The following FRMD5 variants were observed in gnomAD, a reference collection of about 807,000 sequenced individuals.
The protein encoded by FRMD5 is FERM domain-containing protein 5.
FRMD5 carries 20 observed loss-of-function variants against 69.0 expected under a neutral mutation model. That is an observed-to-expected ratio of 0.29 (90% confidence interval 0.20 to 0.42). FRMD5 has a LOEUF of 0.42. Ranked by LOEUF, FRMD5 falls within the 10% of genes least tolerant of loss-of-function variation. The pLI is 1.00. For synonymous variants in FRMD5, 271 were observed against 260.1 expected (o/e 1.04, Z -0.40); for missense variants, 595 against 708.6 (o/e 0.84, Z 1.82).
intron 1 of FRMD5, among the ~76,000 whole-genome samples, chr15:44,019,242 G>A (rs1485527363): frequency 6.6e-6 from 1 of 151,970 alleles, no homozygotes; most frequent in Non-Finnish European, 1.5e-5. Context: ...GTTTTCTGCA[G>A]ACCATATTTC....
chr15:44,046,416 G>C (rs143117463), intron 1 of FRMD5, among the ~76,000 whole-genome samples: 11 of 152,176 alleles, frequency 7.2e-5, no homozygotes, highest in Admixed American at 2.6e-4. Flanking sequence ...ATTGCACCAA[G>C]GACACTTCCA....
chr15:43,894,293 CTT>C lies in FRMD5; in HGVS notation c.640-2226_640-2225del, dbSNP rs1468818387. 5.9e-5 allele frequency among the ~76,000 whole-genome samples: 9 copies of C among 151,532 alleles called. No individual in the cohort carries two copies. The East Asian group carries it at 1.8e-3, about 30-fold the overall frequency. On this transcript the variant is annotated intron_variant, in intron 7 of 13. Transcript: ENST00000417257. ...GGGAGGCAGCCTGCCTGTTCTGTCT[CTT>C]CTGCTCACTGTGCAAGCAGGACCCG...
At chr15:44,186,458 C>T (rs1230673566) in intron 1 of FRMD5, among the ~76,000 whole-genome samples, 1 of 152,164 alleles carries the variant, frequency 6.6e-6, no homozygotes, top group African/African-American at 2.4e-5. Context: ...GATAATTTGC[C>T]TGACTAAGGA....
intron 1 of FRMD5, among the ~76,000 whole-genome samples, chr15:44,098,513 G>A (rs544263077): frequency 5.8e-4 from 69 of 119,196 alleles, no homozygotes; most frequent in African/African-American, 2.0e-3. Context: ...GACACAGCAA[G>A]ACTCTGTCTC....
intron 1 of FRMD5, among the ~76,000 whole-genome samples, chr15:44,079,566 A>G (rs983780365): frequency 6.6e-6 from 1 of 152,154 alleles, no homozygotes; most frequent in Non-Finnish European, 1.5e-5. Context: ...AAGTATACCC[A>G]TATGATAACT....
chr15:43,951,058 T>A (rs1171022117), intron 1 of FRMD5, among the ~76,000 whole-genome samples: 2 of 152,196 alleles, frequency 1.3e-5, no homozygotes, highest in Admixed American at 1.3e-4. Flanking sequence ...AGCATATGCA[T>A]CACCTGAAAC....
intron 4 of FRMD5, among the ~76,000 whole-genome samples, chr15:43,911,127 T>TC (rs2089280638): frequency 6.6e-6 from 1 of 152,238 alleles, no homozygotes; most frequent in East Asian, 1.9e-4. Flanking sequence ...GGAGCATCAG[T>TC]CCCTTGAGTG....
At chr15:44,012,025 CTCT>C (rs1463268027) in intron 1 of FRMD5, among the ~76,000 whole-genome samples, 1 of 152,180 alleles carries the variant, frequency 6.6e-6, no homozygotes, top group Non-Finnish European at 1.5e-5. Context: ...TACTGCTTGA[CTCT>C]TCTTTTTCCT....
At chr15:44,031,393 C>A (rs1372781475) in intron 1 of FRMD5, among the ~76,000 whole-genome samples, 2 of 152,136 alleles carry the variant, frequency 1.3e-5, no homozygotes, top group East Asian at 3.8e-4. Flanking sequence ...TTATAAACAA[C>A]AGAAATTTAT....
At chr15:44,021,869 A>T (rs1333359163) in intron 1 of FRMD5, among the ~76,000 whole-genome samples, 1 of 152,230 alleles carries the variant, frequency 6.6e-6, no homozygotes, top group Admixed American at 6.5e-5. Context: ...CATTCTTCAC[A>T]ATAGCCAAAA....
intron 1 of FRMD5, among the ~76,000 whole-genome samples, chr15:44,040,698 C>T (rs945215054): frequency 3.9e-5 from 6 of 152,064 alleles, no homozygotes; most frequent in African/African-American, 9.7e-5. Context: ...CCAGTACCAG[C>T]CACTGCAAAA....
At chr15:44,049,181 C>G (rs1193141880) in intron 1 of FRMD5, among the ~76,000 whole-genome samples, 1 of 152,120 alleles carries the variant, frequency 6.6e-6, no homozygotes, top group Non-Finnish European at 1.5e-5. Context: ...GTTTTAAGCT[C>G]CCAAACCAGA....
intron 1 of FRMD5, among the ~76,000 whole-genome samples, chr15:44,027,291 C>T (rs1361195296): frequency 6.6e-6 from 1 of 152,040 alleles, no homozygotes. Flanking sequence ...TCACTTCTTT[C>T]TCCAGAGCAA....
At chr15:43,911,269 G>A (rs2089282843) in intron 4 of FRMD5, among the ~76,000 whole-genome samples, 1 of 152,188 alleles carries the variant, frequency 6.6e-6, no homozygotes, top group African/African-American at 2.4e-5. Context: ...CTTAGACTTG[G>A]TGACTCACTT....
At chr15:44,143,623 T>C (rs2077306437) in intron 1 of FRMD5, among the ~76,000 whole-genome samples, 1 of 149,300 alleles carries the variant, frequency 6.7e-6, no homozygotes, top group African/African-American at 2.5e-5. Flanking sequence ...CATTACTAGA[T>C]GGTAGAAAGT....
chr15:43,924,451 T>G (rs867909493), intron 1 of FRMD5, 142 bp from the exon 2 acceptor site: 4 of 627,466 alleles, frequency 6.4e-6, no homozygotes, highest in South Asian at 5.9e-5. Flanking sequence ...GTCCTCCACA[T>G]TGTGATACAT....
At chr15:44,150,652 G>A (rs1238314265) in intron 1 of FRMD5, among the ~76,000 whole-genome samples, 1 of 148,936 alleles carries the variant, frequency 6.7e-6, no homozygotes, top group African/African-American at 2.5e-5. Context: ...CAATTAGCCA[G>A]AAGTGGTGCT....
At chr15:43,977,178 A>G (rs1425185796) in intron 1 of FRMD5, among the ~76,000 whole-genome samples, 3 of 151,942 alleles carry the variant, frequency 2.0e-5, no homozygotes, top group Non-Finnish European at 4.4e-5. Flanking sequence ...AAGTGCTAGC[A>G]GGTTGGAACT....
chr15:44,118,909 G>C (rs762717039), intron 1 of FRMD5, among the ~76,000 whole-genome samples: 2 of 151,778 alleles, frequency 1.3e-5, no homozygotes, highest in Non-Finnish European at 2.9e-5. Flanking sequence ...CTGAGTAACT[G>C]GGACTACAGG....
Sources: allele counts gnomAD v4.1 joint callset (sites outside exome capture counted in the v4.1 genomes callset), GRCh38; gene constraint gnomAD v4.1.1; transcripts MANE v1.5; gene names NCBI Gene and HGNC (gene_info 2026-07-23, HGNC 2026-07-21).